The following KBTBD8 variants were observed in gnomAD, a reference collection of about 807,000 sequenced individuals.
KBTBD8 encodes kelch repeat and BTB domain-containing protein 8.
KBTBD8 carries 31 observed loss-of-function variants against 53.5 expected under a neutral mutation model. The observed-to-expected ratio is 0.58, with a 90% CI of 0.44 to 0.78. The LOEUF is 0.78. KBTBD8 is among the 30% of genes least tolerant of loss of function. The probability of loss-of-function intolerance (pLI) is 0.00; values close to 1 mark genes in which losing one functional copy is unlikely to be tolerated. For synonymous variants in KBTBD8, 250 were observed against 247.3 expected (o/e 1.01, Z -0.10); for missense variants, 642 against 735.8 (o/e 0.87, Z 1.48).
chr3:67,008,471 A>G lies in KBTBD8; in HGVS notation c.*86A>G. On this transcript the variant is annotated 3_prime_UTR_variant, in exon 4 of 4. Coordinates refer to ENST00000417314, the MANE Select transcript of KBTBD8 (RefSeq NM_032505.3). ...CAAAAGAGTGCTGACAGTATTTCAG[A>G]AAGCTGAGAGAGTTTTATACATGGA... is the stretch of plus-strand genomic sequence containing the variant. 2.1e-6 allele frequency: 2 copies of G among 958,148 alleles called. No individual in the cohort carries two copies. The highest frequency in any genetic ancestry group is 1.7e-5 in the South Asian group (1 of 59,382). 59.4% of individuals were successfully genotyped at this position (958,148 alleles called of 1,614,324 possible). A position where few individuals can be genotyped will look rare whatever the true frequency, so the allele number is the denominator to read the frequency against.
At chr3:66,998,508 G>C in intron 1 of KBTBD8, 137 bp downstream of exon 1, 4 of 711,976 alleles carry the variant, frequency 5.6e-6, no homozygotes, top group Non-Finnish European at 8.2e-6. Context: ...GGAATGAGAA[G>C]AGGGAGGATG....
intron 3 of KBTBD8, among the ~76,000 whole-genome samples, chr3:67,005,237 C>G (rs1210502368): frequency 2.0e-5 from 3 of 152,136 alleles, no homozygotes; most frequent in East Asian, 3.9e-4. Context: ...TGATGTTTTT[C>G]TCACACTACT....
chr3:67,002,542 A>C (rs183744564), intron 2 of KBTBD8, among the ~76,000 whole-genome samples: 1 of 97,156 alleles, frequency 1.0e-5, no homozygotes, highest in Non-Finnish European at 1.9e-5. Flanking sequence ...TTTGAGATGG[A>C]GTCTCACTCT....
intron 2 of KBTBD8, among the ~76,000 whole-genome samples, chr3:67,000,023 AC>A (rs1385263990): frequency 2.6e-5 from 4 of 152,252 alleles, no homozygotes; most frequent in Admixed American, 6.5e-5. Flanking sequence ...TCAAATGCTC[AC>A]TTTAAGCCTT....
Position 67,008,418 on chromosome 3 carries a change from C to A in KBTBD8, c.*33C>A. On this transcript the variant is annotated 3_prime_UTR_variant, in exon 4 of 4. Coordinates refer to ENST00000417314, the MANE Select transcript of KBTBD8 (RefSeq NM_032505.3). ...GCAGGCCTTAGTGCATCACTGGCAT[C>A]TCATTCTTAGGAAACTTGTCTTTGA... The A allele has an allele frequency of 7.0e-7, 1 of 1,422,556 alleles. No homozygotes were observed. The highest frequency in any genetic ancestry group is 9.7e-7 in the Non-Finnish European group (1 of 1,032,366). The allele number at this position is 1,422,556 out of a possible 1,614,324, so 88.1% of individuals were successfully genotyped here.
Position 67,003,623 on chromosome 3 carries a change from G to A in KBTBD8, c.656G>A (p.Arg219Lys), listed in dbSNP as rs771527776. 5 of 1,614,074 alleles carry A rather than the reference G, an allele frequency of 3.1e-6. No homozygotes were observed. Among genetic ancestry groups the A allele is most frequent in the Non-Finnish European group, 4.2e-6 (5 of 1,179,978 alleles). ...GAGCATGTTTATGAAAGCATTATAA[G>A]GTGGTTTGAGCATGAACAGAATGAA... Reference protein sequence around the residue: ...REEHVYESIIRWFEHEQNERE... With the variant: ...REEHVYESIIKWFEHEQNERE... The change falls in exon 3 of 4, where the codon AGG (arginine) becomes AAG (lysine). Residue 219 changes from arginine (R) to lysine (K), a missense_variant. Coordinates refer to ENST00000417314, the MANE Select transcript of KBTBD8 (RefSeq NM_032505.3).
intron 3 of KBTBD8, 40 bp downstream of exon 3, chr3:67,004,349 C>T (rs1436055311): frequency 2.5e-6 from 4 of 1,572,944 alleles, no homozygotes; most frequent in Non-Finnish European, 3.5e-6. Context: ...GGAAGGGTAA[C>T]ACATCAAGTG....
chr3:66,998,612 C>G (rs1701984464), intron 1 of KBTBD8, among the ~76,000 whole-genome samples: 1 of 152,100 alleles, frequency 6.6e-6, no homozygotes, highest in Non-Finnish European at 1.5e-5. Context: ...CGGGAGGCGG[C>G]TTGAGGGGGC....
chr3:67,009,456 C>A lies in KBTBD8; in HGVS notation c.*1071C>A, dbSNP rs1202919244. 2.0e-5 allele frequency: 3 copies of A among 152,570 alleles called. No homozygotes were observed. Among genetic ancestry groups the A allele is most frequent in the African/African-American group, 7.2e-5 (3 of 41,438 alleles). 9.5% of individuals were successfully genotyped at this position (152,570 alleles called of 1,614,324 possible). Reference sequence around the variant, plus strand: ...AAGTTTTATACCTACTTTTAAAATTCTGCTTTCCAGAAACAAAATTCCTGC... The same window carrying A: ...AAGTTTTATACCTACTTTTAAAATTATGCTTTCCAGAAACAAAATTCCTGC... On this transcript the variant is annotated 3_prime_UTR_variant, in exon 4 of 4. Coordinates refer to ENST00000417314, the MANE Select transcript of KBTBD8 (RefSeq NM_032505.3).
At chr3:67,005,594 C>CATG (rs1702057965) in intron 3 of KBTBD8, among the ~76,000 whole-genome samples, 1 of 152,140 alleles carries the variant, frequency 6.6e-6, no homozygotes, top group African/African-American at 2.4e-5. Flanking sequence ...TTAATTGATG[C>CATG]ATGACTGCCC....
At position 67,007,923 on chromosome 3, in the gene KBTBD8, AG is replaced by A; in HGVS notation, c.1345del (p.Glu449AsnfsTer16). 1 of 1,435,664 alleles carries A rather than the reference AG, an allele frequency of 7.0e-7. No individual in the cohort carries two copies. Among genetic ancestry groups the A allele is most frequent in the Non-Finnish European group, 9.4e-7 (1 of 1,069,292 alleles). The allele number at this position is 1,435,664 out of a possible 1,614,324, so 88.9% of individuals were successfully genotyped here. A position where few individuals can be genotyped will look rare whatever the true frequency, so the allele number is the denominator to read the frequency against. On this transcript the variant is annotated frameshift_variant and splice_region_variant, in exon 4 of 4. Transcript: ENST00000417314. LOFTEE classifies it high-confidence loss of function. ...TTGTTTTCTTTTTTTTTTTTTTAGG[AG>A]AATTTTTTCTCTTCTATGAGCCTCA... ...YKEKIYVLQG[E>X]FFLFYEPQKD...
rs758654234 is a variant in KBTBD8 at position 67,008,359 on chromosome 3, C to T, written c.1780C>T (p.Pro594Ser). ...TGAATGTGCTGTTGCTAAACTGTAT[C>T]CTCAGTGTCTTCAGAAAGTACTCTA... is the stretch of plus-strand genomic sequence containing the variant. ...HFECAVAKLYPQCLQKVL is the reference protein window; with the variant it reads ...HFECAVAKLYSQCLQKVL The change falls in exon 4 of 4, where the codon CCT becomes TCT. Residue 594 changes from proline to serine, a missense_variant. By Grantham distance (74) the Pro-to-Ser change is moderately conservative. Transcript: ENST00000417314. 1.9e-6 allele frequency: 3 copies of T among 1,610,292 alleles called. No homozygotes were observed. The highest frequency in any genetic ancestry group is 2.2e-5 in the East Asian group (1 of 44,790).
At chr3:67,003,047 T>C in intron 2 of KBTBD8, 148 bp from the exon 3 acceptor site, 1 of 826,824 alleles carries the variant, frequency 1.2e-6, no homozygotes, top group Non-Finnish European at 1.9e-6. Flanking sequence ...TTATCAATTT[T>C]TACTCCTATT....
intron 2 of KBTBD8, among the ~76,000 whole-genome samples, chr3:67,000,828 T>C (rs1042059117): frequency 1.3e-5 from 2 of 152,062 alleles, no homozygotes; most frequent in African/African-American, 4.8e-5. Context: ...GTATGCTTAC[T>C]AAGTATACTT....
chr3:66,998,353 G>C lies in KBTBD8; in HGVS notation c.-3G>C. 1 of 1,289,260 alleles carries C rather than the reference G, an allele frequency of 7.8e-7. No homozygotes were observed. Among genetic ancestry groups the C allele is most frequent in the South Asian group, 2.6e-5 (1 of 38,432 alleles). The allele number at this position is 1,289,260 out of a possible 1,614,324, so 79.9% of individuals were successfully genotyped here. The stretch of plus-strand genomic sequence containing the variant: ...ATAGCTGGAGTCGGGGCCCCATCGA[G>C]AAATGGCCGCGTCGGCAGGTGGGTC... On this transcript the variant is annotated 5_prime_UTR_variant, in exon 1 of 4. Coordinates refer to ENST00000417314, the MANE Select transcript of KBTBD8 (RefSeq NM_032505.3).
Position 67,003,345 on chromosome 3 carries a change from AG to A in KBTBD8, c.379del (p.Ala127LeufsTer17). ...CCAATGTTCAAGCCTTGTTCACTGC[AG>A]CTAGCATCTTCCAGATTCCTTCCAT... ...EANVQALFTA[A>X]SIFQIPSIQD... On this transcript the variant is annotated frameshift_variant, in exon 3 of 4. Coordinates refer to ENST00000417314, the MANE Select transcript of KBTBD8 (RefSeq NM_032505.3). LOFTEE classifies it high-confidence loss of function. 1.2e-6 allele frequency: 2 copies of A among 1,614,212 alleles called. No individual in the cohort carries two copies. The highest frequency in any genetic ancestry group is 1.7e-6 in the Non-Finnish European group (2 of 1,180,034).
chr3:67,008,273 C>A lies in KBTBD8; in HGVS notation c.1694C>A (p.Ala565Asp), dbSNP rs867167416. The A allele has an allele frequency of 6.2e-7, 1 of 1,613,850 alleles. No individual in the cohort carries two copies. The highest frequency in any genetic ancestry group is 1.3e-5 in the African/African-American group (1 of 75,024). The change falls in exon 4 of 4, where the codon GCT (alanine) becomes GAT (aspartate). Residue 565 changes from alanine to aspartate, a missense_variant. Ala to Asp is a moderately radical substitution (Grantham distance 126, BLOSUM62 -2). Transcript: ENST00000417314. ...TCCCTTTACCAATATGATGACATTGCTGACCAGTGGATGAAAGTGTATGAG... is the reference window on the plus strand; with the variant it reads ...TCCCTTTACCAATATGATGACATTGATGACCAGTGGATGAAAGTGTATGAG... ...KNSLYQYDDI[A>D]DQWMKVYETP...
intron 2 of KBTBD8, among the ~76,000 whole-genome samples, chr3:67,001,216 A>G (rs1348468638): frequency 6.6e-6 from 1 of 152,178 alleles, no homozygotes; most frequent in Non-Finnish European, 1.5e-5. Flanking sequence ...AGGTTTTTGT[A>G]CTGAAGTTTC....
intron 3 of KBTBD8, among the ~76,000 whole-genome samples, chr3:67,007,008 A>T (rs1003507033): frequency 6.6e-6 from 1 of 152,220 alleles, no homozygotes; most frequent in African/African-American, 2.4e-5. Context: ...CTCAAAGTCA[A>T]CATCACAAAC....
Sources: allele counts gnomAD v4.1 joint callset (sites outside exome capture counted in the v4.1 genomes callset), GRCh38; gene constraint gnomAD v4.1.1; transcripts MANE v1.5; gene names NCBI Gene and HGNC (gene_info 2026-07-23, HGNC 2026-07-21).